CHRM3: variants seen among roughly 807,000 people sequenced by gnomAD.
CHRM3 encodes the protein cholinergic receptor muscarinic 3.
CHRM3 carries 11 observed loss-of-function variants against 41.8 expected under a neutral mutation model. That is an observed-to-expected ratio of 0.26 (90% CI 0.17 to 0.44). The LOEUF (loss-of-function observed/expected upper bound fraction) is 0.44, where lower values mean the gene tolerates loss of function less well. Ranked by LOEUF, CHRM3 falls within the 20% of genes least tolerant of loss-of-function variation. The probability of loss-of-function intolerance (pLI) is 1.00; values close to 1 mark genes in which losing one functional copy is unlikely to be tolerated. For synonymous variants in CHRM3, 297 were observed against 301.4 expected (o/e 0.99, Z 0.15); for missense variants, 571 against 745.4 (o/e 0.77, Z 2.72).
intron 2 of CHRM3, among the ~76,000 whole-genome samples, chr1:239,541,128 C>T (rs1281268870): frequency 6.6e-6 from 1 of 152,132 alleles, no homozygotes; most frequent in African/African-American, 2.4e-5. Context: ...TTTGCACAAA[C>T]TCCCCATGTC....
Position 239,490,696 on chromosome 1 carries a change from G to A in CHRM3, c.-520-2013G>A, listed in dbSNP as rs573824575. 3.4e-4 allele frequency among the ~76,000 whole-genome samples: 51 copies of A among 152,012 alleles called. No homozygotes were observed. The South Asian group carries it at 0.01, about 31-fold the overall frequency. On this transcript the variant is annotated intron_variant, in intron 1 of 6. Coordinates refer to ENST00000676153, the MANE Select transcript of CHRM3 (RefSeq NM_001375978.1). ...TTGGCCTCAGCTACCTGGGTAGCTG[G>A]GACCCCAGGCATGTACCACCAAGCT...
intron 2 of CHRM3, among the ~76,000 whole-genome samples, chr1:239,535,211 A>T (rs1484557193): frequency 2.6e-5 from 4 of 152,148 alleles, no homozygotes; most frequent in Non-Finnish European, 4.4e-5. Context: ...CCAGGGTACC[A>T]ATCAACCGTG....
chr1:239,576,548 A>T (rs1005630515), intron 3 of CHRM3, among the ~76,000 whole-genome samples: 4 of 151,432 alleles, frequency 2.6e-5, no homozygotes, highest in Non-Finnish European at 5.9e-5. Flanking sequence ...TTCAAGACCC[A>T]TCAGGGAAAC....
chr1:239,406,036 C>T (rs1010015769), intron 1 of CHRM3, among the ~76,000 whole-genome samples: 2 of 152,106 alleles, frequency 1.3e-5, no homozygotes, highest in Non-Finnish European at 2.9e-5. Context: ...GGACTACAGG[C>T]ACCTGCCACC....
intron 5 of CHRM3, among the ~76,000 whole-genome samples, chr1:239,698,393 C>T (rs1430541173): frequency 6.6e-6 from 1 of 152,110 alleles, no homozygotes; most frequent in Non-Finnish European, 1.5e-5. Flanking sequence ...TCTTTAGATG[C>T]TGCAGGAATT....
At chr1:239,397,115 G>GTAT (rs1659550267) in intron 1 of CHRM3, among the ~76,000 whole-genome samples, 2 of 152,112 alleles carry the variant, frequency 1.3e-5, no homozygotes, top group Non-Finnish European at 2.9e-5. Flanking sequence ...TATGTCTTTA[G>GTAT]GCTAATGTTG....
chr1:239,551,300 T>C (rs1659801676), intron 3 of CHRM3, among the ~76,000 whole-genome samples: 2 of 151,624 alleles, frequency 1.3e-5, no homozygotes, highest in Non-Finnish European at 2.9e-5. Context: ...GTAGCTGGGA[T>C]TACAGCCATG....
At chr1:239,523,370 C>T (rs1457539424) in intron 2 of CHRM3, among the ~76,000 whole-genome samples, 6 of 152,004 alleles carry the variant, frequency 3.9e-5, no homozygotes, top group Non-Finnish European at 5.9e-5. Context: ...CTAAACAAGA[C>T]GACTGGTTCA....
Position 239,908,771 on chromosome 1 carries a change from T to C in CHRM3, c.1320T>C (p.Thr440=), listed in dbSNP as rs767053536. 3.7e-6 allele frequency: 6 copies of C among 1,614,100 alleles called. No individual in the cohort carries two copies. The highest frequency in any genetic ancestry group is 2.2e-5 in the South Asian group (2 of 91,082). The change falls in exon 7 of 7, where the codon ACT becomes ACC. Residue 440 remains threonine, a synonymous_variant. Coordinates refer to ENST00000676153, the MANE Select transcript of CHRM3 (RefSeq NM_001375978.1). The surrounding 1 kb of genome is among the most constrained non-coding windows in gnomAD (Gnocchi z 7.2). ...AGTCAGCCGTGGACACAGCTAAGAC[T>C]TCTGACGTCAACTCCTCAGTGGGTA... ...QLESAVDTAK[T]SDVNSSVGKS... is the part of the protein sequence containing the mutation.
At chr1:239,485,880 A>G (rs1467705322) in intron 1 of CHRM3, among the ~76,000 whole-genome samples, 3 of 152,072 alleles carry the variant, frequency 2.0e-5, no homozygotes, top group Admixed American at 1.3e-4. Flanking sequence ...TTGCAATGTT[A>G]TTTTCAAATT....
intron 5 of CHRM3, among the ~76,000 whole-genome samples, chr1:239,798,072 A>T (rs1168722685): frequency 6.6e-6 from 1 of 151,998 alleles, no homozygotes; most frequent in Non-Finnish European, 1.5e-5. Context: ...GTCAAAACCA[A>T]ATTCCACATT....
At chr1:239,415,895 T>C (rs1661461198) in intron 1 of CHRM3, among the ~76,000 whole-genome samples, 1 of 152,224 alleles carries the variant, frequency 6.6e-6, no homozygotes, top group Non-Finnish European at 1.5e-5. Flanking sequence ...GTATAAAATA[T>C]GACAGGCAGA....
chr1:239,543,860 G>A (rs1043455644), intron 2 of CHRM3, among the ~76,000 whole-genome samples: 1 of 152,068 alleles, frequency 6.6e-6, no homozygotes, highest in East Asian at 1.9e-4. Context: ...GGCTTTGTGG[G>A]TCATACTGTT....
Position 239,912,129 on chromosome 1 carries a change from TCTCTCTCTCTCTGC to T in CHRM3, c.*2918_*2931del, listed in dbSNP as rs951919281. 2 of 166,812 alleles carry T rather than the reference TCTCTCTCTCTCTGC, an allele frequency of 1.2e-5. No individual in the cohort carries two copies. Among genetic ancestry groups the T allele is most frequent in the Admixed American group, 1.3e-4 (2 of 15,248 alleles). The allele number at this position is 166,812 out of a possible 1,614,324, so 10.3% of individuals were successfully genotyped here. ...AAATAAACTACACATGGAGAATCTCTCTCTCTCTCTCTGCCTCTCTCTCTCTCTTTCTCCCTCTT... is the reference window on the plus strand; with the variant it reads ...AAATAAACTACACATGGAGAATCTCTCTCTCTCTCTCTCTTTCTCCCTCTT... On this transcript the variant is annotated 3_prime_UTR_variant, in exon 7 of 7. Transcript: ENST00000676153.
intron 3 of CHRM3, among the ~76,000 whole-genome samples, chr1:239,620,802 C>G (rs1276132943): frequency 6.6e-6 from 1 of 151,926 alleles, no homozygotes; most frequent in Non-Finnish European, 1.5e-5. Flanking sequence ...TTCACTCTCT[C>G]TTACAAAGAG....
intron 5 of CHRM3, among the ~76,000 whole-genome samples, chr1:239,779,594 G>A (rs371690969): frequency 6.6e-6 from 1 of 152,202 alleles, no homozygotes; most frequent in East Asian, 1.9e-4. Context: ...AATTAGCCAG[G>A]CATGGTGGCA....
chr1:239,602,025 TATATATACAC>T lies in CHRM3; in HGVS notation c.-312-30181_-312-30172del, dbSNP rs1043294930. Among the ~76,000 whole-genome samples the T allele has an allele frequency of 2.2e-3, 333 of 151,058 alleles. 1 individual carries two copies. Among genetic ancestry groups the T allele is most frequent in the Middle Eastern group, 6.9e-3 (2 of 288 alleles). On this transcript the variant is annotated intron_variant, in intron 3 of 6. Coordinates refer to ENST00000676153, the MANE Select transcript of CHRM3 (RefSeq NM_001375978.1). The stretch of plus-strand genomic sequence containing the variant: ...CCACTTCTGACTTTAAAATTATATC[TATATATACAC>T]ATATATACACATATATATACATATA...
chr1:239,880,846 G>A (rs1393907484), intron 6 of CHRM3, among the ~76,000 whole-genome samples: 3 of 152,130 alleles, frequency 2.0e-5, no homozygotes, highest in African/African-American at 7.2e-5. Context: ...AAAAGCAAGC[G>A]AGGCCATTTA....
chr1:239,623,151 A>G (rs1354549299), intron 3 of CHRM3, among the ~76,000 whole-genome samples: 1 of 152,136 alleles, frequency 6.6e-6, no homozygotes, highest in African/African-American at 2.4e-5. Flanking sequence ...TTTAGGGTAC[A>G]TGTGCACAAC....
Sources: allele counts gnomAD v4.1 joint callset (sites outside exome capture counted in the v4.1 genomes callset), GRCh38; gene constraint gnomAD v4.1.1; non-coding constraint Gnocchi (gnomAD v3.1); transcripts MANE v1.5; gene names NCBI Gene and HGNC (gene_info 2026-07-23, HGNC 2026-07-21).